The following LIN54 variants were observed in gnomAD, a reference collection of about 807,000 sequenced individuals.
LIN54 encodes lin-54 DREAM MuvB core complex component.
A neutral mutation model predicts 78.7 loss-of-function variants in LIN54; 9 were observed. The ratio of observed to expected loss-of-function variants is 0.11; its 90% CI spans 0.07 to 0.20. The LOEUF is 0.20. LIN54 is among the 10% of genes least tolerant of loss of function. The pLI is 1.00. For synonymous variants in LIN54, 269 were observed against 318.4 expected (o/e 0.84, Z 1.65); for missense variants, 573 against 889.9 (o/e 0.64, Z 4.53).
At chr4:82,983,360 G>C (rs560647107) in intron 2 of LIN54, among the ~76,000 whole-genome samples, 4 of 152,146 alleles carry the variant, frequency 2.6e-5, no homozygotes, top group Admixed American at 6.5e-5. Context: ...AGCCTATTTG[G>C]GCATGATAAA....
intron 4 of LIN54, among the ~76,000 whole-genome samples, chr4:82,952,721 G>A (rs1723941703): frequency 6.6e-6 from 1 of 152,180 alleles, no homozygotes; most frequent in Admixed American, 6.5e-5. Context: ...AGTGTCCACA[G>A]ACAGATGAAT....
At chr4:82,994,095 C>T (rs1039627686) in intron 1 of LIN54, among the ~76,000 whole-genome samples, 1 of 152,034 alleles carries the variant, frequency 6.6e-6, no homozygotes, top group Non-Finnish European at 1.5e-5. Context: ...AATATGAAAA[C>T]TTTTCCCCAA....
At chr4:82,999,949 G>A (rs890103716) in intron 1 of LIN54, among the ~76,000 whole-genome samples, 1 of 152,070 alleles carries the variant, frequency 6.6e-6, no homozygotes, top group African/African-American at 2.4e-5. Context: ...CTGGAGTGCA[G>A]TAGCATAATC....
intron 4 of LIN54, among the ~76,000 whole-genome samples, chr4:82,961,942 T>C (rs1303164583): frequency 8.3e-5 from 12 of 143,814 alleles, no homozygotes; most frequent in Admixed American, 7.7e-4. Context: ...GGCAACAGAG[T>C]GAGACTCTGT....
In LIN54 at chr4:82,954,551, G is replaced by C. The variant is rs78719200; in HGVS notation, c.952-8077C>G. ...TCCCACTTCAGCCTGCCAAGTAGTAGGAAGTACAGGTGCGTACCACCATGC... is the reference window on the plus strand; with the variant it reads ...TCCCACTTCAGCCTGCCAAGTAGTACGAAGTACAGGTGCGTACCACCATGC... On this transcript the variant is annotated intron_variant, in intron 4 of 12. Coordinates refer to ENST00000340417, the MANE Select transcript of LIN54 (RefSeq NM_194282.4). Among the ~76,000 whole-genome samples, 1,074 of 152,200 alleles carry C rather than the reference G, an allele frequency of 7.1e-3. 13 individuals are homozygous for C. Among genetic ancestry groups the C allele is most frequent in the African/African-American group, 0.025 (1,019 of 41,540 alleles).
At chr4:82,978,221 T>C (rs1726329778) in intron 3 of LIN54, among the ~76,000 whole-genome samples, 1 of 152,168 alleles carries the variant, frequency 6.6e-6, no homozygotes, top group Admixed American at 6.6e-5. Context: ...TTTTAAAGTA[T>C]AAAAGAGAAC....
At chr4:82,930,354 G>T (rs1045657610) in intron 12 of LIN54, among the ~76,000 whole-genome samples, 2 of 152,152 alleles carry the variant, frequency 1.3e-5, no homozygotes, top group African/African-American at 4.8e-5. Context: ...AGATATTATA[G>T]ACATGCCTTA....
At chr4:82,971,143 A>C (rs1256878789) in intron 3 of LIN54, among the ~76,000 whole-genome samples, 1 of 152,172 alleles carries the variant, frequency 6.6e-6, no homozygotes, top group East Asian at 1.9e-4. Context: ...AGGTAAGAAA[A>C]GACTACAAAG....
At chr4:82,983,146 T>C (rs545823398) in intron 2 of LIN54, among the ~76,000 whole-genome samples, 1 of 152,126 alleles carries the variant, frequency 6.6e-6, no homozygotes, top group South Asian at 2.1e-4. Flanking sequence ...TAGCTGGGAT[T>C]ATAGGCACTC....
Position 82,972,833 on chromosome 4 carries a change from T to C in LIN54, c.809-2364A>G, listed in dbSNP as rs866865352. The stretch of plus-strand genomic sequence containing the variant: ...CCGTCTCTACTAAAACTACAAAAAT[T>C]AGCCAGGCGTGGTAGCGTGCGTCTA... On this transcript the variant is annotated intron_variant, in intron 3 of 12. Transcript: ENST00000340417. Among the ~76,000 whole-genome samples, 11 of 151,386 alleles carry C rather than the reference T, an allele frequency of 7.3e-5. No individual in the cohort carries two copies. In the South Asian group the frequency reaches 2.3e-3, roughly 32 times the overall value.
chr4:82,944,055 G>C (rs922410755), intron 5 of LIN54, among the ~76,000 whole-genome samples: 1 of 151,670 alleles, frequency 6.6e-6, no homozygotes, highest in African/African-American at 2.4e-5. Context: ...TTTTTCGGTA[G>C]AGACAGGGTT....
chr4:82,977,509 T>C lies in LIN54; in HGVS notation c.808+1374A>G, dbSNP rs75838106. Among the ~76,000 whole-genome samples, 1,322 of 152,274 alleles carry C rather than the reference T, an allele frequency of 8.7e-3. 22 individuals carry two copies. Among genetic ancestry groups the C allele is most frequent in the African/African-American group, 0.029 (1,212 of 41,536 alleles). On this transcript the variant is annotated intron_variant, in intron 3 of 12. Coordinates refer to ENST00000340417, the MANE Select transcript of LIN54 (RefSeq NM_194282.4). ...TGCTTTCACATTAAATTTTTCCATC[T>C]CTTCTCATTAGCTAAAATGAGAAGC...
At chr4:82,941,609 A>G (rs1722902892) in intron 5 of LIN54, among the ~76,000 whole-genome samples, 1 of 152,218 alleles carries the variant, frequency 6.6e-6, no homozygotes. Flanking sequence ...GAGACAAGTC[A>G]GAAGAGTGCA....
At chr4:82,998,367 A>C (rs1728421684) in intron 1 of LIN54, among the ~76,000 whole-genome samples, 2 of 151,832 alleles carry the variant, frequency 1.3e-5, no homozygotes, top group African/African-American at 4.8e-5. Flanking sequence ...ACATAGTGAA[A>C]CCCCGTCTCT....
intron 1 of LIN54, among the ~76,000 whole-genome samples, chr4:82,990,928 A>G (rs985054277): frequency 6.6e-6 from 1 of 152,124 alleles, no homozygotes; most frequent in Non-Finnish European, 1.5e-5. Flanking sequence ...TTTGCTATAC[A>G]CATATCCTTG....
upstream of LIN54, chr4:83,012,929 C>G (rs1729941656): frequency 6.6e-6 from 1 of 152,596 alleles, no homozygotes; most frequent in South Asian, 1.8e-4. Flanking sequence ...ACCGCCGCAT[C>G]CCATAATACG....
Position 82,984,381 on chromosome 4 carries a change from G to A in LIN54, c.464C>T (p.Ala155Val). ...LGKSGSPIVL[A>V]LPHSQLPQAQ... ...CTGGGGTAGTTGGCTATGGGGTAGT[G>A]CTAAAACAATTGGTGAACCAGACTT... Residue 155 changes from alanine (A) to valine (V), a missense_variant, in exon 2 of 13, where the codon GCA (alanine) becomes GTA (valine). Transcript: ENST00000340417. 1 of 1,614,178 alleles carries A rather than the reference G, an allele frequency of 6.2e-7. No homozygotes were observed.
At chr4:82,929,279 TTATAA>T (rs1367997909) in intron 12 of LIN54, among the ~76,000 whole-genome samples, 1 of 152,192 alleles carries the variant, frequency 6.6e-6, no homozygotes, top group Non-Finnish European at 1.5e-5. Flanking sequence ...TTGATTATAA[TTATAA>T]TTTTATAATT....
chr4:83,012,089 C>T, upstream of LIN54: 2 of 963,930 alleles, frequency 2.1e-6, no homozygotes, highest in African/African-American at 1.8e-5. Context: ...CACCACCCAC[C>T]CCAATTGCTG....
Sources: gnomAD v4.1 joint callset for allele counts (sites outside exome capture counted in the v4.1 genomes callset) on GRCh38, gnomAD v4.1.1 for gene constraint, MANE v1.5 for transcripts, NCBI Gene and HGNC (gene_info 2026-07-23, HGNC 2026-07-21) for gene names.